The following DAND5 variants were observed in gnomAD, a reference collection of about 807,000 sequenced individuals.
DAND5 encodes DAN domain family member 5.
Under a neutral mutation model 9.2 loss-of-function variants are expected in DAND5, and 8 were observed. The ratio of observed to expected loss-of-function variants is 0.87; its 90% CI spans 0.51 to 1.56. The LOEUF (loss-of-function observed/expected upper bound fraction) is 1.56, where lower values mean the gene tolerates loss of function less well. Ranked by LOEUF, DAND5 falls within the 40% of genes most tolerant of loss-of-function variation. DAND5 has a pLI of 0.00. For missense variants in DAND5, 244 were observed against 244.7 expected (o/e 1.00, Z 0.02); for synonymous variants, 95 against 101.1 (o/e 0.94, Z 0.36).
chr19:12,970,368 C>T, intron 1 of DAND5: 1 of 669,868 alleles, frequency 1.5e-6, no homozygotes. Context: ...ATTTCACCTC[C>T]TCCCACTCTC....
rs545542353 is a variant in DAND5 at position 12,972,931 on chromosome 19, C to T, written c.325-458C>T. 1.1e-4 allele frequency among the ~76,000 whole-genome samples: 16 copies of T among 143,622 alleles called. 1 individual carries two copies. The South Asian group carries it at 2.0e-3, about 18-fold the overall frequency. The allele number at this position is 143,622 out of a possible 152,430, so 94.2% of individuals were successfully genotyped here. ...AGGCTGGAGTGCAGTGGCGCTATCTCGGCTCACTACAAGCTCCGCCTCCTG... is the reference window on the plus strand; with the variant it reads ...AGGCTGGAGTGCAGTGGCGCTATCTTGGCTCACTACAAGCTCCGCCTCCTG... On this transcript the variant is annotated intron_variant, in intron 1 of 1. Transcript: ENST00000317060.
intron 1 of DAND5, among the ~76,000 whole-genome samples, chr19:12,973,064 G>T (rs184394619): frequency 6.6e-6 from 1 of 150,822 alleles, no homozygotes; most frequent in South Asian, 2.1e-4. Context: ...GGGTTTCACC[G>T]TGTTGGCCAG....
rs1485051768 is a variant in DAND5 at position 12,973,580 on chromosome 19, G to A, written c.516G>A (p.Arg172=). The change falls in exon 2 of 2, where the codon CGG becomes CGA. Residue 172 remains arginine, a synonymous_variant. Coordinates refer to ENST00000317060, the MANE Select transcript of DAND5 (RefSeq NM_152654.3). Reference sequence around the variant, plus strand: ...CTGGCAGCTCAGCCTCCCGTCGACGGGTGAAGATATCCACCATGCTGATCG... The same window carrying A: ...CTGGCAGCTCAGCCTCCCGTCGACGAGTGAAGATATCCACCATGCTGATCG... ...CLTGSSASRR[R]VKISTMLIEG... 1.9e-6 allele frequency: 3 copies of A among 1,614,104 alleles called. No individual in the cohort carries two copies. In the Admixed American group the frequency reaches 5.0e-5, roughly 27 times the overall value.
chr19:12,969,908 A>T lies in DAND5; in HGVS notation c.248A>T (p.Glu83Val). The change falls in exon 1 of 2, where the codon GAG becomes GTG. Residue 83 changes from glutamate (E) to valine (V), a missense_variant. Glu to Val is a moderately radical substitution (Grantham distance 121). Transcript: ENST00000317060. ...GGCAGGCTGCAGCGTGGGCAAGACG[A>T]GGTGGCTGCTGTGACTCTGCCGCTG... Reference protein sequence around the residue: ...GMGRLQRGQDEVAAVTLPLNP... With the variant: ...GMGRLQRGQDVVAAVTLPLNP... 6.2e-7 allele frequency: 1 copy of T among 1,614,144 alleles called. No homozygotes were observed. The highest frequency in any genetic ancestry group is 8.5e-7 in the Non-Finnish European group (1 of 1,180,022).
chr19:12,973,349 A>G lies in DAND5; in HGVS notation c.325-40A>G, dbSNP rs755236574. Reference sequence around the variant, plus strand: ...GATTATCCTCGCCACTCTGGCCCCAAACTCCGCCACCCTGACCGTCTCCAT... The same window carrying G: ...GATTATCCTCGCCACTCTGGCCCCAGACTCCGCCACCCTGACCGTCTCCAT... On this transcript the variant is annotated intron_variant, in intron 1 of 1. Transcript: ENST00000317060. 7 of 1,599,712 alleles carry G rather than the reference A, an allele frequency of 4.4e-6. No homozygotes were observed. In the South Asian group the frequency reaches 6.8e-5, roughly 15 times the overall value.
At chr19:12,973,296 T>C in intron 1 of DAND5, 93 bp from the exon 2 acceptor site, 1 of 1,531,568 alleles carries the variant, frequency 6.5e-7, no homozygotes, top group Non-Finnish European at 8.8e-7. Context: ...CATCCATGCC[T>C]GTCAAGGTGG....
chr19:12,972,058 A>ATTT (rs71168643), intron 1 of DAND5, among the ~76,000 whole-genome samples: 20 of 114,176 alleles, frequency 1.8e-4, no homozygotes, highest in African/African-American at 5.3e-4. Context: ...CCCAGCTAAT[A>ATTT]TTTTTTTTTT....
Position 12,973,535 on chromosome 19 carries a change from C to T in DAND5, c.471C>T (p.Pro157=), listed in dbSNP as rs751930538. 22 of 1,614,066 alleles carry T rather than the reference C, an allele frequency of 1.4e-5. 1 individual carries two copies. Among genetic ancestry groups the T allele is most frequent in the South Asian group, 4.4e-5 (4 of 91,086 alleles). Reference sequence around the variant, plus strand: ...TGCCTGCTCGCAAGCGTTGGGCACCCGTGGTCCTGTGGTGTCTCACTGGCA... The same window carrying T: ...TGCCTGCTCGCAAGCGTTGGGCACCTGTGGTCCTGTGGTGTCTCACTGGCA... The part of the protein sequence containing the change: ...SCMPARKRWA[P]VVLWCLTGSS... The change falls in exon 2 of 2, where the codon CCC becomes CCT. Residue 157 remains proline (P), a synonymous_variant. Transcript: ENST00000317060.
intron 1 of DAND5, 102 bp downstream of exon 1, chr19:12,970,086 A>G: frequency 7.3e-7 from 1 of 1,365,786 alleles, no homozygotes; most frequent in Non-Finnish European, 9.9e-7. Context: ...TGTATCCTCC[A>G]CCTGAATGTC....
intron 1 of DAND5, chr19:12,970,652 T>TCTTTCTTC (rs2043206337): frequency 2.1e-6 from 1 of 476,296 alleles, no homozygotes; most frequent in African/African-American, 2.0e-5. Context: ...TTTCTTTCTT[T>TCTTTCTTC]CTTTCTTTCC....
chr19:12,970,093 T>C lies in DAND5; in HGVS notation c.324+109T>C, dbSNP rs2011139024. ...TCAAGTCCTGTATCCTCCACCTGAA[T>C]GTCTCGGTGCCTCAGTTTCCTCCCT... On this transcript the variant is annotated intron_variant, in intron 1 of 1. Coordinates refer to ENST00000317060, the MANE Select transcript of DAND5 (RefSeq NM_152654.3). The C allele has an allele frequency of 3.1e-6, 4 of 1,302,920 alleles. No individual in the cohort carries two copies. The East Asian group carries it at 7.5e-5, about 24-fold the overall frequency. The allele number at this position is 1,302,920 out of a possible 1,614,324, so 80.7% of individuals were successfully genotyped here.
chr19:12,970,555 T>A (rs1568238436), intron 1 of DAND5: 1 of 531,806 alleles, frequency 1.9e-6, no homozygotes, highest in South Asian at 2.5e-5. Context: ...CGTCTCTTGC[T>A]TGATATACCA....
Position 12,969,799 on chromosome 19 carries a change from G to A in DAND5, c.139G>A (p.Ala47Thr), listed in dbSNP as rs1303303887. 6.3e-7 allele frequency: 1 copy of A among 1,599,746 alleles called. No homozygotes were observed. Among genetic ancestry groups the A allele is most frequent in the East Asian group, 2.2e-5 (1 of 44,864 alleles). Residue 47 changes from alanine to threonine, a missense_variant, in exon 1 of 2, where the codon GCC becomes ACC. By Grantham distance (58) the Ala-to-Thr change is moderately conservative. Transcript: ENST00000317060. ...ANQTWALGPG[A>T]LPPLVPASAL... is the part of the protein sequence containing the mutation. ...TCAGACCTGGGCTCTGGGCCCAGGGGCCCTGCCCCCACTGGTGCCAGCTTC... is the reference window on the plus strand; with the variant it reads ...TCAGACCTGGGCTCTGGGCCCAGGGACCCTGCCCCCACTGGTGCCAGCTTC...
chr19:12,970,076 T>C (rs1049959780), intron 1 of DAND5, 92 bp downstream of exon 1: 29 of 1,456,710 alleles, frequency 2.0e-5, no homozygotes, highest in Non-Finnish European at 2.7e-5. Flanking sequence ...GTTCAAGTCC[T>C]GTATCCTCCA....
At position 12,973,076 on chromosome 19, in the gene DAND5, A is replaced by G. The variant is rs376360972; in HGVS notation, c.325-313A>G. On this transcript the variant is annotated intron_variant, in intron 1 of 1. Coordinates refer to ENST00000317060, the MANE Select transcript of DAND5 (RefSeq NM_152654.3). ...ACGGGGTTTCACCGTGTTGGCCAGG[A>G]TGGTCTCGATCTGCTGACCTCGTGA... Among the ~76,000 whole-genome samples, 1,454 of 151,018 alleles carry G rather than the reference A, an allele frequency of 9.6e-3. 6 individuals carry two copies. Among genetic ancestry groups the G allele is most frequent in the Non-Finnish European group, 0.014 (928 of 67,816 alleles).
Position 12,969,961 on chromosome 19 carries a change from T to C in DAND5, c.301T>C (p.Cys101Arg). ...LNPQEVIQGM[C>R]KAVPFVQVFS... ...CCCTCAGGAAGTGATCCAGGGGATG[T>C]GTAAGGCTGTGCCCTTCGTTCAGGT... is the stretch of plus-strand genomic sequence containing the variant. The change falls in exon 1 of 2, where the codon TGT (cysteine) becomes CGT (arginine). Residue 101 changes from cysteine (C) to arginine (R), a missense_variant. Coordinates refer to ENST00000317060, the MANE Select transcript of DAND5 (RefSeq NM_152654.3). The C allele has an allele frequency of 6.2e-7, 1 of 1,613,950 alleles. No individual in the cohort carries two copies. The highest frequency in any genetic ancestry group is 8.5e-7 in the Non-Finnish European group (1 of 1,180,002).
rs780978688 is a variant in DAND5, at chr19:12,969,965, AG to A, written c.307del (p.Ala103LeufsTer40). 3.7e-6 allele frequency: 6 copies of A among 1,613,996 alleles called. No individual in the cohort carries two copies. Among genetic ancestry groups the A allele is most frequent in the Admixed American group, 1.7e-5 (1 of 59,990 alleles). On this transcript the variant is annotated frameshift_variant, in exon 1 of 2. Coordinates refer to ENST00000317060, the MANE Select transcript of DAND5 (RefSeq NM_152654.3). LOFTEE classifies it low-confidence loss of function (END_TRUNC). Reference protein sequence around the residue: ...NPQEVIQGMCKAVPFVQVFSR... With the variant: ...NPQEVIQGMCXAVPFVQVFSR... The stretch of plus-strand genomic sequence containing the variant: ...CAGGAAGTGATCCAGGGGATGTGTA[AG>A]GCTGTGCCCTTCGTTCAGGTGAGTG...
In DAND5 at chr19:12,969,999, G is replaced by A. The variant is rs1431912111; in HGVS notation, c.324+15G>A. ...CCTTCGTTCAGGTGAGTGGGTGGGT[G>A]TGGGGAGGAGAGGGCTGGGTCTCAC... On this transcript the variant is annotated intron_variant, in intron 1 of 1. Coordinates refer to ENST00000317060, the MANE Select transcript of DAND5 (RefSeq NM_152654.3). 1 of 1,613,026 alleles carries A rather than the reference G, an allele frequency of 6.2e-7. No individual in the cohort carries two copies.
intron 1 of DAND5, 27 bp downstream of exon 1, chr19:12,970,011 G>A (rs369783321): frequency 3.1e-6 from 5 of 1,611,354 alleles, no homozygotes; most frequent in Non-Finnish European, 4.2e-6. Flanking sequence ...GGGGAGGAGA[G>A]GGCTGGGTCT....
Sources: gnomAD v4.1 joint callset for allele counts (sites outside exome capture counted in the v4.1 genomes callset) on GRCh38, gnomAD v4.1.1 for gene constraint, MANE v1.5 for transcripts, NCBI Gene and HGNC (gene_info 2026-07-23, HGNC 2026-07-21) for gene names.